Variants in RBL1 observed in about 807,000 individuals in gnomAD.
RBL1 encodes RB transcriptional corepressor like 1.
Under a neutral mutation model 123.0 loss-of-function variants are expected in RBL1, and 82 were observed. That is an observed-to-expected ratio of 0.67 (90% CI 0.56 to 0.80). The LOEUF is 0.80. Among genes scored for constraint, RBL1 ranks in the 30% least tolerant of loss-of-function variants. The pLI, the probability that RBL1 is intolerant of heterozygous loss-of-function variation, is 0.00. For missense variants in RBL1, 1,171 were observed against 1,299.6 expected (o/e 0.90, Z 1.52); for synonymous variants, 405 against 441.3 (o/e 0.92, Z 1.03).
At chr20:37,056,877 A>G (rs2065016742) in intron 9 of RBL1, among the ~76,000 whole-genome samples, 1 of 152,096 alleles carries the variant, frequency 6.6e-6, no homozygotes, top group Non-Finnish European at 1.5e-5. Context: ...TCTTTTTGTG[A>G]TTGACTAACT....
intron 6 of RBL1, 151 bp from the exon 7 acceptor site, chr20:37,065,624 G>A: frequency 1.9e-6 from 1 of 524,868 alleles, no homozygotes; most frequent in Non-Finnish European, 3.2e-6. Context: ...AAACTATTTA[G>A]CATGCAAATA....
chr20:37,048,258 T>C (rs537686059), intron 11 of RBL1, among the ~76,000 whole-genome samples: 6 of 152,234 alleles, frequency 3.9e-5, no homozygotes, highest in African/African-American at 1.2e-4. Context: ...GGGTGGGTGA[T>C]CTGAAAGTCT....
At chr20:37,066,464 CAATTCTTTAT>C (rs574315898) in intron 6 of RBL1, among the ~76,000 whole-genome samples, 190 of 152,294 alleles carry the variant, frequency 1.2e-3, no homozygotes, top group African/African-American at 4.4e-3. Flanking sequence ...CTATTCTTTA[CAATTCTTTAT>C]CAGTACCTCC....
At chr20:37,069,908 A>T (rs1407094377) in intron 2 of RBL1, among the ~76,000 whole-genome samples, 1 of 149,272 alleles carries the variant, frequency 6.7e-6, no homozygotes, top group Non-Finnish European at 1.5e-5. Context: ...GCCTCTGCCC[A>T]GCTGCCCCTA....
rs575813152 is a variant in RBL1 at position 37,050,798 on chromosome 20, G to A, written c.1468-3608C>T. On this transcript the variant is annotated intron_variant, in intron 11 of 21. Coordinates refer to ENST00000373664, the MANE Select transcript of RBL1 (RefSeq NM_002895.5). ...AGACACATGAATGAAAAAAAACACA[G>A]TAAGATACATTTTTATAAATTTAAG... Among the ~76,000 whole-genome samples, 52 of 151,324 alleles carry A rather than the reference G, an allele frequency of 3.4e-4. 2 individuals carry two copies. The South Asian group carries it at 4.6e-3, about 13-fold the overall frequency.
At chr20:36,999,015 C>T (rs770000557) in intron 21 of RBL1, 86 bp from the exon 22 acceptor site, 9 of 1,235,660 alleles carry the variant, frequency 7.3e-6, no homozygotes, top group Non-Finnish European at 1.0e-5. Context: ...TTTTCCTGTG[C>T]TCTATCCTCT....
At chr20:37,037,090 G>A (rs1221404723) in intron 14 of RBL1, among the ~76,000 whole-genome samples, 2 of 152,188 alleles carry the variant, frequency 1.3e-5, no homozygotes, top group Non-Finnish European at 2.9e-5. Flanking sequence ...CCTGTCTTCA[G>A]TAAACAAGTG....
chr20:37,013,336 A>C (rs1261660916), intron 19 of RBL1, among the ~76,000 whole-genome samples: 1 of 151,636 alleles, frequency 6.6e-6, no homozygotes, highest in Non-Finnish European at 1.5e-5. Context: ...ACTCAGGGTT[A>C]AATGGATTAA....
intron 2 of RBL1, among the ~76,000 whole-genome samples, chr20:37,069,518 T>C (rs1053153396): frequency 1.3e-5 from 2 of 151,128 alleles, no homozygotes; most frequent in African/African-American, 4.9e-5. Context: ...GGAGCACCTC[T>C]GCCCGGCTGC....
chr20:37,094,936 C>G (rs1341352425), intron 1 of RBL1, among the ~76,000 whole-genome samples: 1 of 152,208 alleles, frequency 6.6e-6, no homozygotes, highest in African/African-American at 2.4e-5. Context: ...CCACGCCCAG[C>G]CTGGGTTTCT....
chr20:37,094,496 T>G (rs1191797694), intron 1 of RBL1, among the ~76,000 whole-genome samples: 3 of 152,282 alleles, frequency 2.0e-5, no homozygotes, highest in Admixed American at 6.5e-5. Context: ...CAGCAATTAT[T>G]TCACTGGGTG....
rs773928015 is a variant in RBL1, at chr20:37,003,746, G to A, written c.2992C>T (p.Pro998Ser). The A allele has an allele frequency of 6.2e-7, 1 of 1,613,948 alleles. No individual in the cohort carries two copies. The highest frequency in any genetic ancestry group is 8.5e-7 in the Non-Finnish European group (1 of 1,179,940). ...AACTTGTACAGCAGAGCGCTTCTTG[G>A]TGTAAGGCCTGACCCATTCTTGTGC... ...SPHKNGSGLT[P>S]RSALLYKFNG... is the part of the protein sequence containing the mutation. Residue 998 changes from proline to serine, a missense_variant, in exon 21 of 22, where the codon CCA becomes TCA. By Grantham distance (74) the Pro-to-Ser change is moderately conservative. Coordinates refer to ENST00000373664, the MANE Select transcript of RBL1 (RefSeq NM_002895.5).
At chr20:37,048,652 T>C (rs781030994) in intron 11 of RBL1, among the ~76,000 whole-genome samples, 71 of 152,208 alleles carry the variant, frequency 4.7e-4, no homozygotes, top group Admixed American at 2.6e-3. Flanking sequence ...AAACAAACTT[T>C]TACTGCCTCA....
chr20:37,075,064 T>A (rs2065342625), intron 2 of RBL1, among the ~76,000 whole-genome samples: 1 of 152,194 alleles, frequency 6.6e-6, no homozygotes, highest in African/African-American at 2.4e-5. Flanking sequence ...ACATGCTACA[T>A]CATGGATGAA....
intron 14 of RBL1, among the ~76,000 whole-genome samples, chr20:37,039,756 G>C (rs377171723): frequency 6.6e-6 from 1 of 151,524 alleles, no homozygotes. Context: ...TTTTTTCTGG[G>C]ACATGAGGGG....
At chr20:37,063,746 A>G (rs1436561851) in intron 7 of RBL1, among the ~76,000 whole-genome samples, 2 of 151,506 alleles carry the variant, frequency 1.3e-5, no homozygotes, top group Middle Eastern at 3.4e-3. Flanking sequence ...TCCTGACCTC[A>G]AGTGATCAGC....
At chr20:37,003,446 T>TA (rs1457323583) in intron 21 of RBL1, 4 of 610,484 alleles carry the variant, frequency 6.6e-6, no homozygotes, top group Non-Finnish European at 8.7e-6. Flanking sequence ...ACTGGTCCCT[T>TA]CTCAAGATCT....
Position 37,095,997 on chromosome 20 carries a change from C to G in RBL1, c.-69G>C, listed in dbSNP as rs1420715914. On this transcript the variant is annotated 5_prime_UTR_variant, in exon 1 of 22. Coordinates refer to ENST00000373664, the MANE Select transcript of RBL1 (RefSeq NM_002895.5). ...TTCTCCCTCCCAGGCGCGCTACCCA[C>G]AACCACCTGCGCCAAAGCGCGCGAA... 1.2e-5 allele frequency: 15 copies of G among 1,276,632 alleles called. No individual in the cohort carries two copies. The highest frequency in any genetic ancestry group is 1.5e-5 in the Non-Finnish European group (14 of 959,044). The allele number at this position is 1,276,632 out of a possible 1,614,324, so 79.1% of individuals were successfully genotyped here.
chr20:37,062,356 T>G, intron 7 of RBL1, 86 bp from the exon 8 acceptor site: 1 of 1,490,434 alleles, frequency 6.7e-7, no homozygotes, highest in East Asian at 2.4e-5. Flanking sequence ...GTTTACAGCT[T>G]AGAAAACTTG....
Sources: gnomAD v4.1 joint callset for allele counts (sites outside exome capture counted in the v4.1 genomes callset) on GRCh38, gnomAD v4.1.1 for gene constraint, MANE v1.5 for transcripts, NCBI Gene and HGNC (gene_info 2026-07-23, HGNC 2026-07-21) for gene names.